TGM7: variants seen among roughly 807,000 people sequenced by gnomAD.
The protein encoded by TGM7 is transglutaminase 7, also known as protein-glutamine gamma-glutamyltransferase Z.
Under a neutral mutation model 79.5 loss-of-function variants are expected in TGM7, and 74 were observed. The observed-to-expected ratio is 0.93, with a 90% CI of 0.77 to 1.13. The LOEUF (loss-of-function observed/expected upper bound fraction) is 1.13, where lower values mean the gene tolerates loss of function less well. Ranked by LOEUF, TGM7 falls within the 50% of genes most tolerant of loss-of-function variation. TGM7 has a pLI of 0.00. For missense variants in TGM7, 912 were observed against 905.9 expected, an observed-to-expected ratio of 1.01 and a Z score of -0.09; for synonymous variants, 354 against 362.5, an observed-to-expected ratio of 0.98 and a Z score of 0.27.
intron 1 of TGM7, among the ~76,000 whole-genome samples, chr15:43,296,790 T>C (rs1242699756): frequency 2.0e-5 from 3 of 152,140 alleles, no homozygotes; most frequent in Non-Finnish European, 4.4e-5. Context: ...AAGGTTGCAG[T>C]GGCATGGAGA....
At chr15:43,295,039 C>T (rs2042985717) in intron 1 of TGM7, among the ~76,000 whole-genome samples, 1 of 152,088 alleles carries the variant, frequency 6.6e-6, no homozygotes, top group Non-Finnish European at 1.5e-5. Context: ...GTATGTTGGA[C>T]CACAGTTATG....
At chr15:43,281,206 G>A (rs1159393371) in intron 9 of TGM7, among the ~76,000 whole-genome samples, 1 of 152,230 alleles carries the variant, frequency 6.6e-6, no homozygotes, top group East Asian at 1.9e-4. Context: ...TTACAGATGA[G>A]GAAATGGAGG....
rs868573217 is a variant in TGM7, at chr15:43,280,596, C to G, written c.1352-645G>C. On this transcript the variant is annotated intron_variant, in intron 9 of 12. Coordinates refer to ENST00000452443, the MANE Select transcript of TGM7 (RefSeq NM_052955.3). Reference sequence around the variant, plus strand: ...CGAGATTGCGCCATTGCACTCCAGCCTGGGCAACAAGAGTGAAACTCCGCC... The same window carrying G: ...CGAGATTGCGCCATTGCACTCCAGCGTGGGCAACAAGAGTGAAACTCCGCC... 3.3e-5 allele frequency among the ~76,000 whole-genome samples: 5 copies of G among 152,018 alleles called. No individual in the cohort carries two copies. The South Asian group carries it at 1.0e-3, about 32-fold the overall frequency.
chr15:43,292,872 A>G lies in TGM7; in HGVS notation c.276T>C (p.Ser92=). The part of the protein sequence containing the change: ...RVQPGNVWSA[S]DFTIDSNSLQ... Reference sequence around the variant, plus strand: ...GAGAGTTGGAGTCAATGGTGAAATCAGAAGCGCTCCAGACATTCCCGGGCT... The same window carrying G: ...GAGAGTTGGAGTCAATGGTGAAATCGGAAGCGCTCCAGACATTCCCGGGCT... Residue 92 remains serine (S), a synonymous_variant, in exon 3 of 13, where the codon TCT becomes TCC. Coordinates refer to ENST00000452443, the MANE Select transcript of TGM7 (RefSeq NM_052955.3). 6.2e-7 allele frequency: 1 copy of G among 1,614,098 alleles called. No homozygotes were observed. Among genetic ancestry groups the G allele is most frequent in the Non-Finnish European group, 8.5e-7 (1 of 1,180,030 alleles).
chr15:43,296,626 A>G (rs1459974406), intron 1 of TGM7, among the ~76,000 whole-genome samples: 1 of 152,160 alleles, frequency 6.6e-6, no homozygotes, highest in Non-Finnish European at 1.5e-5. Flanking sequence ...AGGAGGGAAC[A>G]GGACTCAGGG....
intron 1 of TGM7, among the ~76,000 whole-genome samples, chr15:43,299,225 A>G (rs527790948): frequency 6.6e-6 from 1 of 152,212 alleles, no homozygotes; most frequent in South Asian, 2.1e-4. Context: ...TTTGAGCAGG[A>G]GTGGCAGGAT....
intron 10 of TGM7, 82 bp from the exon 11 acceptor site, chr15:43,279,359 T>G: frequency 4.7e-6 from 7 of 1,480,988 alleles, no homozygotes; most frequent in Non-Finnish European, 6.4e-6. Context: ...GAGGAAAAAT[T>G]AGAATTTTCA....
At position 43,277,451 on chromosome 15, in the gene TGM7, T is replaced by C. The variant is rs370929096; in HGVS notation, c.1840-456A>G. Reference sequence around the variant, plus strand: ...TGATGTCATCCTGCCCTTACGCTCATCACCGAGGAAACAGTGAGGCCAAGG... The same window carrying C: ...TGATGTCATCCTGCCCTTACGCTCACCACCGAGGAAACAGTGAGGCCAAGG... On this transcript the variant is annotated intron_variant, in intron 11 of 12. Coordinates refer to ENST00000452443, the MANE Select transcript of TGM7 (RefSeq NM_052955.3). Among the ~76,000 whole-genome samples, 115 of 152,306 alleles carry C rather than the reference T, an allele frequency of 7.6e-4. 1 individual carries two copies. The highest frequency in any genetic ancestry group is 2.6e-3 in the African/African-American group (110 of 41,546).
At chr15:43,297,707 C>T (rs2043006535) in intron 1 of TGM7, among the ~76,000 whole-genome samples, 1 of 152,194 alleles carries the variant, frequency 6.6e-6, no homozygotes, top group Non-Finnish European at 1.5e-5. Context: ...AGCTCCTGTC[C>T]TCTGACACCA....
At chr15:43,279,392 G>T (rs1451072799) in intron 10 of TGM7, 115 bp from the exon 11 acceptor site, 4 of 1,266,678 alleles carry the variant, frequency 3.2e-6, no homozygotes, top group Non-Finnish European at 4.4e-6. Flanking sequence ...AAGTGTGTGT[G>T]AGAGACAGAC....
chr15:43,288,350 T>C (rs2042946480), intron 4 of TGM7, among the ~76,000 whole-genome samples: 1 of 152,180 alleles, frequency 6.6e-6, no homozygotes, highest in African/African-American at 2.4e-5. Flanking sequence ...ACCTCTTCCC[T>C]TTTGGAGTTT....
chr15:43,279,284 A>T lies in TGM7; in HGVS notation c.1679-7T>A. On this transcript the variant is annotated splice_region_variant and splice_polypyrimidine_tract_variant and intron_variant, in intron 10 of 12. Transcript: ENST00000452443. ...AGGAGCGGCCACTGTGTCTCTAAGC[A>T]CATACAAAAGACACCTTGAGTCCAG... is the stretch of plus-strand genomic sequence containing the variant. 2 of 1,613,300 alleles carry T rather than the reference A, an allele frequency of 1.2e-6. No homozygotes were observed. Among genetic ancestry groups the T allele is most frequent in the Non-Finnish European group, 1.7e-6 (2 of 1,179,504 alleles).
intron 1 of TGM7, among the ~76,000 whole-genome samples, chr15:43,301,018 T>C (rs2043022814): frequency 6.6e-6 from 1 of 152,038 alleles, no homozygotes; most frequent in South Asian, 2.1e-4. Flanking sequence ...ATCTCACTTT[T>C]TCTCCCAGGC....
intron 1 of TGM7, among the ~76,000 whole-genome samples, chr15:43,297,635 A>AAAGAAAGAAAGAG (rs2043005934): frequency 1.3e-5 from 1 of 77,544 alleles, no homozygotes; most frequent in Non-Finnish European, 3.5e-5. Flanking sequence ...GAAAGAAAGA[A>AAAGAAAGAAAGAG]AAAGAAAGAA....
Position 43,284,925 on chromosome 15 carries a change from C to T in TGM7, c.893G>A (p.Arg298His). The change falls in exon 7 of 13, where the codon CGT (arginine) becomes CAT (histidine). Residue 298 changes from arginine (R) to histidine (H), a missense_variant. Physicochemically the swap from Arg to His is conservative, Grantham distance 29. Coordinates refer to ENST00000452443, the MANE Select transcript of TGM7 (RefSeq NM_052955.3). ...TVMRCLGVPTRVVSNFRSAHN... is the reference protein window; with the variant it reads ...TVMRCLGVPTHVVSNFRSAHN... Reference sequence around the variant, plus strand: ...CGCGGAACGGAAATTGGAAACAACACGGGTTGGAACACCTAAGCATCTCAT... The same window carrying T: ...CGCGGAACGGAAATTGGAAACAACATGGGTTGGAACACCTAAGCATCTCAT... 1.9e-6 allele frequency: 3 copies of T among 1,614,156 alleles called. No individual in the cohort carries two copies. The highest frequency in any genetic ancestry group is 2.5e-6 in the Non-Finnish European group (3 of 1,180,020).
At position 43,293,535 on chromosome 15, in the gene TGM7, C is replaced by G; in HGVS notation, c.107G>C (p.Arg36Pro). ...CCGGAGGTAGAAGGGCTGGCCGCGG[C>G]GCACAGTGAGCCGCTTGACGCCCAT... is the stretch of plus-strand genomic sequence containing the variant. ...QEMGVKRLTV[R>P]RGQPFYLRLS... The change falls in exon 2 of 13, where the codon CGC (arginine) becomes CCC (proline). Residue 36 changes from arginine (R) to proline (P), a missense_variant. Coordinates refer to ENST00000452443, the MANE Select transcript of TGM7 (RefSeq NM_052955.3). 2 of 1,609,404 alleles carry G rather than the reference C, an allele frequency of 1.2e-6. No individual in the cohort carries two copies. The highest frequency in any genetic ancestry group is 3.3e-4 in the Middle Eastern group (2 of 6,024).
chr15:43,292,622 G>T, intron 3 of TGM7, 87 bp downstream of exon 3: 1 of 1,532,956 alleles, frequency 6.5e-7, no homozygotes, highest in South Asian at 1.2e-5. Flanking sequence ...GCTATGTGGC[G>T]ATTTATTTTC....
chr15:43,282,410 G>A (rs903328933), intron 8 of TGM7, 107 bp downstream of exon 8: 2 of 964,718 alleles, frequency 2.1e-6, no homozygotes, highest in African/African-American at 1.6e-5. Flanking sequence ...CTCGGGAAGA[G>A]GGTGCCGTGG....
intron 1 of TGM7, among the ~76,000 whole-genome samples, chr15:43,297,269 A>G (rs1207669648): frequency 2.6e-5 from 4 of 151,956 alleles, no homozygotes; most frequent in Admixed American, 1.3e-4. Flanking sequence ...GCTGACCAAC[A>G]TGGTGAAACC....
Sources: gnomAD v4.1 joint callset for allele counts (sites outside exome capture counted in the v4.1 genomes callset) on GRCh38, gnomAD v4.1.1 for gene constraint, MANE v1.5 for transcripts, NCBI Gene and HGNC (gene_info 2026-07-23, HGNC 2026-07-21) for gene names.